The following ANGPTL5 variants were observed in gnomAD, a reference collection of about 807,000 sequenced individuals.
The protein encoded by ANGPTL5 is angiopoietin-related protein 5.
In ANGPTL5, 34 loss-of-function variants were observed where a neutral mutation model predicts 39.4. The ratio of observed to expected loss-of-function variants is 0.86; its 90% CI spans 0.66 to 1.15. The LOEUF is 1.15. ANGPTL5 is among the 50% of genes most tolerant of loss of function. ANGPTL5 has a pLI of 0.00. For synonymous variants in ANGPTL5, 146 were observed against 152.1 expected (o/e 0.96, Z 0.29); for missense variants, 467 against 457.5 (o/e 1.02, Z -0.19).
At chr11:101,914,811 A>G (rs764075343) in intron 1 of ANGPTL5, among the ~76,000 whole-genome samples, 3 of 152,164 alleles carry the variant, frequency 2.0e-5, no homozygotes, top group Non-Finnish European at 4.4e-5. Flanking sequence ...ACACTCTCAT[A>G]AAAAGGGAGG....
At chr11:101,910,037 CT>C (rs1382398011) in intron 1 of ANGPTL5, among the ~76,000 whole-genome samples, 1 of 152,224 alleles carries the variant, frequency 6.6e-6, no homozygotes, top group Admixed American at 6.5e-5. Flanking sequence ...CTCTGAACTT[CT>C]TGTTCTGGGT....
At chr11:101,913,499 G>A (rs1453096168) in intron 1 of ANGPTL5, among the ~76,000 whole-genome samples, 1 of 152,152 alleles carries the variant, frequency 6.6e-6, no homozygotes, top group Non-Finnish European at 1.5e-5. Flanking sequence ...CCCAGCTTGT[G>A]GGATGGCCCT....
chr11:101,905,613 T>C (rs1391022160), intron 4 of ANGPTL5, 131 bp downstream of exon 4: 1 of 671,318 alleles, frequency 1.5e-6, no homozygotes, highest in Non-Finnish European at 2.6e-6. Context: ...AAGTTTACTA[T>C]GGTGCCTCTA....
chr11:101,895,462 C>T (rs1388381784), intron 7 of ANGPTL5, among the ~76,000 whole-genome samples: 3 of 152,018 alleles, frequency 2.0e-5, no homozygotes, highest in African/African-American at 4.8e-5. Flanking sequence ...TGGCAGGTAA[C>T]AAAACGTTAT....
At position 101,904,772 on chromosome 11, in the gene ANGPTL5, T is replaced by C. The variant is rs751082143; in HGVS notation, c.439+42A>G. 1.9e-6 allele frequency: 3 copies of C among 1,545,750 alleles called. No homozygotes were observed. In the Admixed American group the frequency reaches 5.0e-5, roughly 26 times the overall value. ...ACCTGTCCAGGAAAATTTTAAGCAA[T>C]AAAAGACAAACATGAAAAGGCTGAA... is the stretch of plus-strand genomic sequence containing the variant. On this transcript the variant is annotated intron_variant, in intron 5 of 8. Transcript: ENST00000334289.
chr11:101,898,380 T>C (rs959736078), intron 7 of ANGPTL5, among the ~76,000 whole-genome samples: 4 of 152,174 alleles, frequency 2.6e-5, no homozygotes, highest in Non-Finnish European at 5.9e-5. Flanking sequence ...ACCTTGTAAG[T>C]TGGATTCCTA....
rs78278348 is a variant in ANGPTL5 at position 101,913,684 on chromosome 11, T to A, written c.-93+2335A>T. Among the ~76,000 whole-genome samples, 223 of 152,332 alleles carry A rather than the reference T, an allele frequency of 1.5e-3. 1 individual carries two copies. Among genetic ancestry groups the A allele is most frequent in the African/African-American group, 5.0e-3 (207 of 41,578 alleles). On this transcript the variant is annotated intron_variant, in intron 1 of 8. Coordinates refer to ENST00000334289, the MANE Select transcript of ANGPTL5 (RefSeq NM_178127.5). Reference sequence around the variant, plus strand: ...TAGGACTTACGAGATCGCAAACTAATAATATAGCAAAAGCTGGACTTCTGG... The same window carrying A: ...TAGGACTTACGAGATCGCAAACTAAAAATATAGCAAAAGCTGGACTTCTGG...
intron 7 of ANGPTL5, 59 bp from the exon 8 acceptor site, chr11:101,895,123 T>A (rs1939769717): frequency 7.6e-7 from 1 of 1,316,160 alleles, no homozygotes; most frequent in African/African-American, 1.5e-5. Context: ...AATGGTTTAT[T>A]ATTGAATGTT....
At chr11:101,914,880 T>A (rs1030690014) in intron 1 of ANGPTL5, 1 of 181,316 alleles carries the variant, frequency 5.5e-6, no homozygotes, top group Non-Finnish European at 1.1e-5. Flanking sequence ...ACAACCCGGG[T>A]CCCTAGGGAT....
rs745894564 is a variant in ANGPTL5 at position 101,904,843 on chromosome 11, G to A, written c.410C>T (p.Pro137Leu). The A allele has an allele frequency of 6.2e-7, 1 of 1,613,648 alleles. No homozygotes were observed. The change falls in exon 5 of 9, where the codon CCT (proline) becomes CTT (leucine). Residue 137 changes from proline to leucine, a missense_variant. Pro to Leu is a moderately conservative substitution (Grantham distance 98, BLOSUM62 -3). Transcript: ENST00000334289. ...TGACTGAACAGGTCTGTGAGGAAAA[G>A]GATCCAGCTGTTTTCTAAAAACTTC... ...TTEVFRKQLD[P>L]FPHRPVQSHG...
intron 6 of ANGPTL5, among the ~76,000 whole-genome samples, chr11:101,901,815 C>A (rs1033417967): frequency 6.6e-6 from 1 of 151,570 alleles, no homozygotes; most frequent in South Asian, 2.1e-4. Flanking sequence ...GAAGAGAAAC[C>A]GGTAGTATTT....
chr11:101,907,047 A>G (rs1940008086), intron 3 of ANGPTL5, 56 bp downstream of exon 3: 1 of 1,324,116 alleles, frequency 7.6e-7, no homozygotes, highest in Non-Finnish European at 1.0e-6. Context: ...TTCAGTGTCT[A>G]CCCTAAAAAT....
In ANGPTL5 at chr11:101,898,223, C is replaced by CA. The variant is rs899683723; in HGVS notation, c.661+2206dup. On this transcript the variant is annotated intron_variant, in intron 7 of 8. Coordinates refer to ENST00000334289, the MANE Select transcript of ANGPTL5 (RefSeq NM_178127.5). The stretch of plus-strand genomic sequence containing the variant: ...GGGCAACACGAGTGAAACTTCGTCT[C>CA]AAAAAAAAAAATTACTTTGGGCAGT... 4.4e-4 allele frequency among the ~76,000 whole-genome samples: 64 copies of CA among 146,592 alleles called. 1 individual carries two copies. The East Asian group carries it at 8.9e-3, about 20-fold the overall frequency.
At chr11:101,901,074 T>G (rs1207752125) in intron 6 of ANGPTL5, among the ~76,000 whole-genome samples, 35 of 148,324 alleles carry the variant, frequency 2.4e-4, no homozygotes, top group Non-Finnish European at 3.0e-5. Context: ...AGACGGGGTT[T>G]CGCTGTGTTA....
In ANGPTL5 at chr11:101,914,726, A is replaced by C. The variant is rs139503333; in HGVS notation, c.-93+1293T>G. ...ATTGTCCCCCAGACAATCACTGCAG[A>C]CTCCTCCCGGTGGCAATTGCCTGTA... On this transcript the variant is annotated intron_variant, in intron 1 of 8. Transcript: ENST00000334289. 6.2e-4 allele frequency among the ~76,000 whole-genome samples: 94 copies of C among 150,668 alleles called. 1 individual carries two copies. The East Asian group carries it at 9.8e-3, about 16-fold the overall frequency.
chr11:101,898,585 T>G (rs966977346), intron 7 of ANGPTL5, among the ~76,000 whole-genome samples: 1 of 152,248 alleles, frequency 6.6e-6, no homozygotes, highest in African/African-American at 2.4e-5. Flanking sequence ...TCATGTCATC[T>G]GCAAACAGAG....
chr11:101,904,288 A>G (rs1205441241), intron 5 of ANGPTL5, among the ~76,000 whole-genome samples: 1 of 152,142 alleles, frequency 6.6e-6, no homozygotes, highest in African/African-American at 2.4e-5. Flanking sequence ...GGATAAATTC[A>G]TATTTATAAG....
intron 1 of ANGPTL5, among the ~76,000 whole-genome samples, chr11:101,908,400 C>A (rs1163650166): frequency 1.3e-5 from 2 of 152,102 alleles, no homozygotes; most frequent in Non-Finnish European, 2.9e-5. Flanking sequence ...TACCTTGGAA[C>A]TATTTCTATA....
rs1565336478 is a variant in ANGPTL5 at position 101,891,190 on chromosome 11, T to C, written c.*89A>G. 7.9e-7 allele frequency: 1 copy of C among 1,261,904 alleles called. No individual in the cohort carries two copies. Among genetic ancestry groups the C allele is most frequent in the East Asian group, 2.6e-5 (1 of 39,028 alleles). 78.2% of individuals were successfully genotyped at this position (1,261,904 alleles called of 1,614,324 possible). A position where few individuals can be genotyped will look rare whatever the true frequency, so the allele number is the denominator to read the frequency against. On this transcript the variant is annotated 3_prime_UTR_variant, in exon 9 of 9. Transcript: ENST00000334289. The stretch of plus-strand genomic sequence containing the variant: ...CCATCTACAGTTAAATTTTGCCTAA[T>C]ATGTTTGAAACACTAAGTGAAAAGA...
Sources: gnomAD v4.1 joint callset for allele counts (sites outside exome capture counted in the v4.1 genomes callset) on GRCh38, gnomAD v4.1.1 for gene constraint, MANE v1.5 for transcripts, NCBI Gene and HGNC (gene_info 2026-07-23, HGNC 2026-07-21) for gene names.